Variants in EEFSEC observed in about 807,000 individuals in gnomAD.
EEFSEC encodes the protein selenocysteine-specific elongation factor.
Under a neutral mutation model 42.1 loss-of-function variants are expected in EEFSEC, and 43 were observed. The observed-to-expected ratio is 1.02, with a 90% CI of 0.80 to 1.32. EEFSEC has a LOEUF of 1.32. Among genes scored for constraint, EEFSEC ranks in the 40% most tolerant of loss-of-function variants. The pLI, the probability that EEFSEC is intolerant of heterozygous loss-of-function variation, is 0.00. For synonymous variants in EEFSEC, 354 were observed against 339.1 expected (o/e 1.04, Z -0.48); for missense variants, 745 against 803.6 (o/e 0.93, Z 0.88).
At chr3:128,203,659 TCC>T (rs2065664909) in intron 1 of EEFSEC, among the ~76,000 whole-genome samples, 1 of 152,220 alleles carries the variant, frequency 6.6e-6, no homozygotes, top group African/African-American at 2.4e-5. Flanking sequence ...GGTGGACTTT[TCC>T]CAGGCAGTAT....
intron 1 of EEFSEC, among the ~76,000 whole-genome samples, chr3:128,169,181 G>A (rs1164414553): frequency 6.6e-6 from 1 of 152,210 alleles, no homozygotes; most frequent in Non-Finnish European, 1.5e-5. Context: ...TAGTTTGGAG[G>A]CCAGGGAAGG....
At chr3:128,174,391 C>T (rs1207311236) in intron 1 of EEFSEC, among the ~76,000 whole-genome samples, 2 of 152,108 alleles carry the variant, frequency 1.3e-5, no homozygotes, top group Non-Finnish European at 2.9e-5. Context: ...TTGCAGTTTT[C>T]TTTTTGTATT....
intron 1 of EEFSEC, among the ~76,000 whole-genome samples, chr3:128,177,975 A>C (rs2065368676): frequency 1.3e-5 from 2 of 152,244 alleles, no homozygotes; most frequent in Admixed American, 1.3e-4. Context: ...GGTTCTCAAA[A>C]AAATGCTTGT....
At chr3:128,225,996 T>G (rs2065903633) in intron 1 of EEFSEC, among the ~76,000 whole-genome samples, 1 of 152,314 alleles carries the variant, frequency 6.6e-6, no homozygotes, top group Non-Finnish European at 1.5e-5. Flanking sequence ...CTCAGTTCAT[T>G]GATGCAAGAG....
At chr3:128,327,291 T>TC (rs59892046) in intron 4 of EEFSEC, among the ~76,000 whole-genome samples, 2,386 of 105,076 alleles carry the variant, frequency 0.023, 52 homozygotes, top group Admixed American at 0.035. Flanking sequence ...ACTTTTCCCA[T>TC]CCCCCCCCCC....
chr3:128,243,635 G>A (rs966111775), intron 1 of EEFSEC, among the ~76,000 whole-genome samples: 8 of 152,218 alleles, frequency 5.3e-5, no homozygotes, highest in Non-Finnish European at 1.0e-4. Flanking sequence ...GAGCCGGGTG[G>A]GGCATCAAGG....
intron 6 of EEFSEC, among the ~76,000 whole-genome samples, chr3:128,382,447 C>G (rs959698215): frequency 1.3e-5 from 2 of 152,116 alleles, no homozygotes; most frequent in Non-Finnish European, 2.9e-5. Context: ...CTATGTGTGT[C>G]CATGTATGTG....
chr3:128,362,982 G>GA (rs1050571130), intron 6 of EEFSEC, among the ~76,000 whole-genome samples: 2 of 151,920 alleles, frequency 1.3e-5, no homozygotes, highest in African/African-American at 4.8e-5. Context: ...ATGAGAAAAA[G>GA]AAAAAAAATT....
At chr3:128,306,372 A>T (rs1404158311) in intron 4 of EEFSEC, among the ~76,000 whole-genome samples, 1 of 152,192 alleles carries the variant, frequency 6.6e-6, no homozygotes, top group African/African-American at 2.4e-5. Context: ...CTTTTGATAT[A>T]TAAATATTTA....
intron 5 of EEFSEC, among the ~76,000 whole-genome samples, chr3:128,357,389 AAG>A (rs2067467001): frequency 6.6e-6 from 1 of 152,228 alleles, no homozygotes; most frequent in Non-Finnish European, 1.5e-5. Flanking sequence ...GGCACCCACA[AAG>A]AGACAGCAGC....
In EEFSEC at chr3:128,361,514, C is replaced by T. The variant is rs115002154; in HGVS notation, c.1600+3141C>T. Among the ~76,000 whole-genome samples, 459 of 152,308 alleles carry T rather than the reference C, an allele frequency of 3.0e-3. 1 individual carries two copies. The highest frequency in any genetic ancestry group is 0.01 in the African/African-American group (426 of 41,554). On this transcript the variant is annotated intron_variant, in intron 6 of 6. Coordinates refer to ENST00000254730, the MANE Select transcript of EEFSEC (RefSeq NM_021937.5). ...TTTGAATTTTAGAAAGGACACTTGG[C>T]CCTCAGGTTCACGAGGTGAAGCTGA... is the stretch of plus-strand genomic sequence containing the variant.
chr3:128,417,220 C>T, the EEFSEC span, among the ~76,000 whole-genome samples: 2 of 152,124 alleles, frequency 1.3e-5, no homozygotes, highest in African/African-American at 4.8e-5. This position sits in a 1 kb window ranked among gnomAD's most constrained non-coding sequence, Gnocchi z 4.3. Flanking sequence ...CTGTTGTAAA[C>T]CCTCTCGCCC....
At chr3:128,222,034 T>G (rs1407796726) in intron 1 of EEFSEC, among the ~76,000 whole-genome samples, 31 of 143,406 alleles carry the variant, frequency 2.2e-4, no homozygotes, top group African/African-American at 7.8e-4. Flanking sequence ...AGTTTTTTTT[T>G]TTTTTTTTTT....
the EEFSEC span, among the ~76,000 whole-genome samples, chr3:128,415,522 C>T: frequency 6.6e-6 from 1 of 152,214 alleles, no homozygotes; most frequent in South Asian, 2.1e-4. Context: ...CAGCGCCTCA[C>T]TGCCCCAGTG....
chr3:128,258,093 T>C (rs2066260828), intron 2 of EEFSEC, among the ~76,000 whole-genome samples: 1 of 152,060 alleles, frequency 6.6e-6, no homozygotes, highest in Non-Finnish European at 1.5e-5. Flanking sequence ...GCACACAAAT[T>C]TGACAAAGCT....
chr3:128,245,809 T>C lies in EEFSEC; in HGVS notation c.317-1027T>C, dbSNP rs559761702. On this transcript the variant is annotated intron_variant, in intron 1 of 6. Transcript: ENST00000254730. Reference sequence around the variant, plus strand: ...ATTAAGTAAGCTGACCTAGTGTGCGTAGTCAGAGTGCCCGAAAAAAGAAAG... The same window carrying C: ...ATTAAGTAAGCTGACCTAGTGTGCGCAGTCAGAGTGCCCGAAAAAAGAAAG... 2.9e-4 allele frequency among the ~76,000 whole-genome samples: 44 copies of C among 152,230 alleles called. No homozygotes were observed. The South Asian group carries it at 8.9e-3, about 31-fold the overall frequency.
chr3:128,207,342 G>A (rs1456861215), intron 1 of EEFSEC, among the ~76,000 whole-genome samples: 1 of 148,270 alleles, frequency 6.7e-6, no homozygotes, highest in African/African-American at 2.5e-5. Flanking sequence ...GCAGGTCTCT[G>A]GAGTGTGTTG....
chr3:128,165,922 G>A (rs1218084008), intron 1 of EEFSEC, among the ~76,000 whole-genome samples: 3 of 152,158 alleles, frequency 2.0e-5, no homozygotes, highest in Non-Finnish European at 2.9e-5. Flanking sequence ...GATACATGAC[G>A]GTGTGGCACT....
intron 4 of EEFSEC, among the ~76,000 whole-genome samples, chr3:128,328,835 T>G (rs1420978302): frequency 6.6e-6 from 1 of 152,190 alleles, no homozygotes; most frequent in Admixed American, 6.5e-5. Context: ...TCCTTTTTCT[T>G]TGATCCACCT....
Sources: gnomAD v4.1 joint callset for allele counts (sites outside exome capture counted in the v4.1 genomes callset) on GRCh38, gnomAD v4.1.1 for gene constraint, Gnocchi (gnomAD v3.1) non-coding constraint, MANE v1.5 for transcripts, NCBI Gene and HGNC (gene_info 2026-07-23, HGNC 2026-07-21) for gene names.